The following CROT variants were observed in gnomAD, a reference collection of about 807,000 sequenced individuals.
CROT encodes the protein peroxisomal carnitine O-octanoyltransferase.
A neutral mutation model predicts 89.2 loss-of-function variants in CROT; 84 were observed. The observed-to-expected ratio is 0.94, with a 90% CI of 0.79 to 1.13. The LOEUF is 1.13. Ranked by LOEUF, CROT falls within the 50% of genes most tolerant of loss-of-function variation. The pLI is 0.00. For missense variants in CROT, 711 were observed against 727.8 expected, an observed-to-expected ratio of 0.98 and a Z score of 0.27; for synonymous variants, 212 against 239.5, an observed-to-expected ratio of 0.89 and a Z score of 1.06.
chr7:87,395,447 ACACT>A (rs765826523), intron 17 of CROT, among the ~76,000 whole-genome samples: 34 of 152,322 alleles, frequency 2.2e-4, no homozygotes, highest in Non-Finnish European at 4.0e-4. Flanking sequence ...AACCAAGTTG[ACACT>A]CAGTATTAAC....
In CROT at chr7:87,357,406, A is replaced by G. The variant is rs773325987; in HGVS notation, c.116-1800A>G. ...CATTGGGCTAGAAATATTATCCTTG[A>G]TAGGATGCCAAGACAGACCCCATTT... On this transcript the variant is annotated intron_variant, in intron 3 of 17. Transcript: ENST00000331536. The G allele has an allele frequency of 6.8e-6, 10 of 1,467,836 alleles. No individual in the cohort carries two copies. In the Admixed American group the frequency reaches 1.4e-4, roughly 20 times the overall value. 90.9% of individuals were successfully genotyped at this position (1,467,836 alleles called of 1,614,324 possible).
In CROT at chr7:87,375,629, A is replaced by G. The variant is rs756910824; in HGVS notation, c.657-3A>G. ...TTTTAATCTTCTTTTCATCTTCCAT[A>G]AGACAACTGACATATATCCACAAGA... is the stretch of plus-strand genomic sequence containing the variant. On this transcript the variant is annotated splice_region_variant and splice_polypyrimidine_tract_variant and intron_variant, in intron 7 of 17. Transcript: ENST00000331536. 15 of 1,608,160 alleles carry G rather than the reference A, an allele frequency of 9.3e-6. No individual in the cohort carries two copies. Among genetic ancestry groups the G allele is most frequent in the East Asian group, 4.5e-5 (2 of 44,846 alleles).
Position 87,349,162 on chromosome 7 carries a change from T to A in CROT, c.94T>A (p.Leu32Ile), listed in dbSNP as rs1326440053. 1.3e-6 allele frequency: 2 copies of A among 1,576,554 alleles called. No homozygotes were observed. The highest frequency in any genetic ancestry group is 1.7e-5 in the Admixed American group (1 of 58,480). Residue 32 changes from leucine to isoleucine, a missense_variant, in exon 3 of 18, where the codon TTA (leucine) becomes ATA (isoleucine). Coordinates refer to ENST00000331536, the MANE Select transcript of CROT (RefSeq NM_021151.4). ...GCCTGTTCCTTCACTTGAAGAATCA[T>A]TAAAAAAATACCTTGAATCAGGTAT... is the stretch of plus-strand genomic sequence containing the variant. ...SLPVPSLEESLKKYLESVKPF... is the reference protein window; with the variant it reads ...SLPVPSLEESIKKYLESVKPF...
At position 87,361,459 on chromosome 7, in the gene CROT, G is replaced by A; in HGVS notation, c.310G>A (p.Ala104Thr). Residue 104 changes from alanine to threonine, a missense_variant, in exon 5 of 18, where the codon GCG becomes ACG. Physicochemically the swap from Ala to Thr is moderately conservative, Grantham distance 58. Coordinates refer to ENST00000331536, the MANE Select transcript of CROT (RefSeq NM_021151.4). ...RIPSQLNVNF[A>T]GPAAHFEHYW... is the part of the protein sequence containing the mutation. The stretch of plus-strand genomic sequence containing the variant: ...ACCATCACAATTGAATGTCAACTTT[G>A]CGGGTCCTGCAGCTCATTTTGAACA... 1.2e-6 allele frequency: 2 copies of A among 1,613,992 alleles called. No homozygotes were observed. Among genetic ancestry groups the A allele is most frequent in the Non-Finnish European group, 1.7e-6 (2 of 1,179,978 alleles).
At chr7:87,373,930 G>A (rs1806724166) in intron 7 of CROT, among the ~76,000 whole-genome samples, 2 of 152,050 alleles carry the variant, frequency 1.3e-5, no homozygotes, top group African/African-American at 2.4e-5. Flanking sequence ...TCATACCTGA[G>A]TGTCAAACAT....
intron 6 of CROT, among the ~76,000 whole-genome samples, chr7:87,364,958 C>A (rs930409177): frequency 1.3e-5 from 2 of 152,066 alleles, no homozygotes; most frequent in East Asian, 1.9e-4. Context: ...TTGAAATAGT[C>A]TTTTTGGAAA....
rs993673662 is a variant in CROT, at chr7:87,377,438, CT to C, written c.967del (p.Cys323ValfsTer11). ...TTTCCTTTTCTAATGGAGTATTTGG[CT>C]GTAATTGTGATGTAAGTAAACTACT... ...LISFSNGVFG[C>X]NCDHAPFDAM... On this transcript the variant is annotated frameshift_variant, in exon 10 of 18. Coordinates refer to ENST00000331536, the MANE Select transcript of CROT (RefSeq NM_021151.4). LOFTEE classifies it high-confidence loss of function. 2 of 1,600,798 alleles carry C rather than the reference CT, an allele frequency of 1.2e-6. No homozygotes were observed. The highest frequency in any genetic ancestry group is 2.7e-5 in the African/African-American group (2 of 74,548).
chr7:87,376,027 T>C, intron 9 of CROT, 74 bp downstream of exon 9: 2 of 1,403,110 alleles, frequency 1.4e-6, no homozygotes, highest in Non-Finnish European at 1.9e-6. Flanking sequence ...AACATGGAAG[T>C]TTTTTTTCTT....
At chr7:87,397,111 TGGGAGGGATTACACTA>T (rs1224362252) in intron 17 of CROT, among the ~76,000 whole-genome samples, 1 of 152,086 alleles carries the variant, frequency 6.6e-6, no homozygotes, top group Non-Finnish European at 1.5e-5. Flanking sequence ...CCCAGCACTT[TGGGAGGGATTACACTA>T]GATCACTTGA....
rs762867956 is a variant in CROT at position 87,361,382 on chromosome 7, T to G, written c.241-8T>G. The G allele has an allele frequency of 6.2e-7, 1 of 1,610,770 alleles. No homozygotes were observed. The highest frequency in any genetic ancestry group is 8.5e-7 in the Non-Finnish European group (1 of 1,179,066). ...GAACATTAAGCTGATGTTCTCAATT[T>G]CTTTTAGCTGGAAGAGTGGTGGCTG... is the stretch of plus-strand genomic sequence containing the variant. On this transcript the variant is annotated splice_polypyrimidine_tract_variant and splice_region_variant and intron_variant, in intron 4 of 17. Coordinates refer to ENST00000331536, the MANE Select transcript of CROT (RefSeq NM_021151.4).
intron 3 of CROT, among the ~76,000 whole-genome samples, chr7:87,349,893 C>T (rs141201240): frequency 4.9e-4 from 74 of 152,246 alleles, no homozygotes; most frequent in African/African-American, 1.7e-3. Context: ...ATGGTTGGGA[C>T]AGGGTCTTCT....
At position 87,349,978 on chromosome 7, in the gene CROT, A is replaced by G. The variant is rs376972574; in HGVS notation, c.115+795A>G. Among the ~76,000 whole-genome samples, 6 of 152,306 alleles carry G rather than the reference A, an allele frequency of 3.9e-5. No individual in the cohort carries two copies. The South Asian group carries it at 1.2e-3, about 32-fold the overall frequency. ...TGCATGATATCCCAATTGTTTCTAG[A>G]AAGTTAATATACTAGGTTAGTAAAT... On this transcript the variant is annotated intron_variant, in intron 3 of 17. Coordinates refer to ENST00000331536, the MANE Select transcript of CROT (RefSeq NM_021151.4).
At chr7:87,360,024 T>C in intron 4 of CROT, 1 of 981,648 alleles carries the variant, frequency 1.0e-6, no homozygotes, top group African/African-American at 1.7e-5. Context: ...TTTATATCTG[T>C]GATGGAATAA....
At chr7:87,388,697 A>G (rs1807260727) in intron 13 of CROT, among the ~76,000 whole-genome samples, 1 of 152,236 alleles carries the variant, frequency 6.6e-6, no homozygotes, top group Non-Finnish European at 1.5e-5. Flanking sequence ...AGGCAATATC[A>G]TTCAGGACAT....
Position 87,375,830 on chromosome 7 carries a change from A to C in CROT, c.753A>C (p.Ala251=), listed in dbSNP as rs1488457523. ...TSEERTRWAK[A]REYLIGLDPE... is the part of the protein sequence containing the mutation. ...ATCATCATCTCCTTGCCCTTTAGGC[A>C]CGAGAATATCTGATTGGTCTTGATC... Residue 251 remains alanine (A), a splice_region_variant and synonymous_variant, in exon 9 of 18, where the codon GCA becomes GCC. Coordinates refer to ENST00000331536, the MANE Select transcript of CROT (RefSeq NM_021151.4). The C allele has an allele frequency of 1.2e-6, 2 of 1,613,412 alleles. No individual in the cohort carries two copies. The highest frequency in any genetic ancestry group is 1.7e-6 in the Non-Finnish European group (2 of 1,179,568).
chr7:87,368,067 A>G (rs539593413), intron 6 of CROT, among the ~76,000 whole-genome samples: 94 of 152,164 alleles, frequency 6.2e-4, no homozygotes, highest in Non-Finnish European at 1.1e-3. Flanking sequence ...AACCTTATCT[A>G]CCACTCTATC....
Position 87,375,693 on chromosome 7 carries a change from T to A in CROT, c.718T>A (p.Leu240Ile). 5 of 1,613,668 alleles carry A rather than the reference T, an allele frequency of 3.1e-6. No individual in the cohort carries two copies. Among genetic ancestry groups the A allele is most frequent in the Non-Finnish European group, 4.2e-6 (5 of 1,179,612 alleles). The stretch of plus-strand genomic sequence containing the variant: ...ACCTGATGGACCTGGGATTGCAGCA[T>A]TAACTAGTGAGGAGCGAACTCGATG... ...SEPDGPGIAA[L>I]TSEERTRWAK... Residue 240 changes from leucine (L) to isoleucine (I), a missense_variant, in exon 8 of 18, where the codon TTA (leucine) becomes ATA (isoleucine). Coordinates refer to ENST00000331536, the MANE Select transcript of CROT (RefSeq NM_021151.4).
rs1162204460 is a variant in CROT at position 87,361,941 on chromosome 7, A to AT, written c.547+90dup. Reference sequence around the variant, plus strand: ...GTGATGGAACATACACTTTTGAAGAATATTACTGTTGGGACTTTGACAAAG... The same window carrying AT: ...GTGATGGAACATACACTTTTGAAGAATTATTACTGTTGGGACTTTGACAAAG... On this transcript the variant is annotated intron_variant, in intron 6 of 17. Transcript: ENST00000331536. 4.3e-6 allele frequency: 5 copies of AT among 1,168,882 alleles called. No homozygotes were observed. In the Admixed American group the frequency reaches 1.3e-4, roughly 31 times the overall value. The allele number at this position is 1,168,882 out of a possible 1,614,324, so 72.4% of individuals were successfully genotyped here. A position where few individuals can be genotyped will look rare whatever the true frequency, so the allele number is the denominator to read the frequency against.
intron 3 of CROT, 66 bp downstream of exon 3, chr7:87,349,249 C>A: frequency 1.3e-6 from 1 of 751,942 alleles, no homozygotes; most frequent in Non-Finnish European, 2.1e-6. Flanking sequence ...GATACTGTTG[C>A]TGGAGAAGGG....
Sources: allele counts gnomAD v4.1 joint callset (sites outside exome capture counted in the v4.1 genomes callset), GRCh38; gene constraint gnomAD v4.1.1; transcripts MANE v1.5; gene names NCBI Gene and HGNC (gene_info 2026-07-23, HGNC 2026-07-21).